The following DUOX2 variants were observed in gnomAD, a reference collection of about 807,000 sequenced individuals.
DUOX2 encodes dual oxidase 2.
DUOX2 carries 185 observed loss-of-function variants against 183.3 expected under a neutral mutation model. That is an observed-to-expected ratio of 1.01 (90% CI 0.90 to 1.14). DUOX2 has a LOEUF of 1.14. Ranked by LOEUF, DUOX2 falls within the 50% of genes most tolerant of loss-of-function variation. The pLI is 0.00. For missense variants in DUOX2, 1,999 were observed against 2,022.9 expected (o/e 0.99, Z 0.23); for synonymous variants, 788 against 812.4 (o/e 0.97, Z 0.51).
chr15:45,109,330 GCAACA>G (rs1376612752), intron 11 of DUOX2, 189 bp downstream of exon 11: 12 of 611,764 alleles, frequency 2.0e-5, no homozygotes, highest in Non-Finnish European at 3.1e-5. Context: ...TAAAATAAAA[GCAACA>G]CAAAAGTGTA....
In DUOX2 at chr15:45,111,428, G is replaced by T; in HGVS notation, c.671C>A (p.Ala224Glu). Residue 224 changes from alanine to glutamate, a missense_variant, in exon 6 of 34, where the codon GCG (alanine) becomes GAG (glutamate). Physicochemically the swap from Ala to Glu is moderately radical, Grantham distance 107. Transcript: ENST00000389039. ...DSQNPLLMWA[A>E]PDPATGQNGP... ...GTTCTGCCCGGTGGCGGGGTCGGGCGCCGCCCACATGAGCAGGGGGTTCTG... is the reference window on the plus strand; with the variant it reads ...GTTCTGCCCGGTGGCGGGGTCGGGCTCCGCCCACATGAGCAGGGGGTTCTG... 2.0e-6 allele frequency: 3 copies of T among 1,515,336 alleles called. No homozygotes were observed. Among genetic ancestry groups the T allele is most frequent in the Non-Finnish European group, 2.6e-6 (3 of 1,132,680 alleles). 93.9% of individuals were successfully genotyped at this position (1,515,336 alleles called of 1,614,324 possible). A position where few individuals can be genotyped will look rare whatever the true frequency, so the allele number is the denominator to read the frequency against.
intron 9 of DUOX2, 121 bp downstream of exon 9, chr15:45,110,307 A>C (rs1894344938): frequency 1.0e-6 from 1 of 984,282 alleles, no homozygotes; most frequent in Non-Finnish European, 1.5e-6. Flanking sequence ...TCAGGGCCCC[A>C]AATTTTTGCT....
intron 23 of DUOX2, 129 bp from the exon 24 acceptor site, chr15:45,100,357 A>G: frequency 1.2e-6 from 1 of 864,892 alleles, no homozygotes; most frequent in East Asian, 2.6e-5. Flanking sequence ...AATGGAAAAA[A>G]GCAATCTGGG....
At position 45,095,381 on chromosome 15, in the gene DUOX2, C is replaced by A; in HGVS notation, c.4239+56G>T. The A allele has an allele frequency of 3.7e-6, 6 of 1,606,284 alleles. No individual in the cohort carries two copies. The East Asian group carries it at 8.9e-5, about 24-fold the overall frequency. On this transcript the variant is annotated intron_variant, in intron 31 of 33. Transcript: ENST00000389039. ...TTCTCTCATGCTCCACCACTTGATG[C>A]GGGTCACAATTCGGCCACCTATGCC...
intron 29 of DUOX2, 47 bp from the exon 30 acceptor site, chr15:45,096,107 TG>T (rs1210957317): frequency 6.5e-7 from 1 of 1,537,296 alleles, no homozygotes; most frequent in Admixed American, 1.7e-5. Context: ...GGCCTGCTCC[TG>T]GTACCTGAGG....
rs1398595276 is a variant in DUOX2, at chr15:45,103,964, T to A, written c.2650A>T (p.Met884Leu). 2 of 1,614,124 alleles carry A rather than the reference T, an allele frequency of 1.2e-6. No individual in the cohort carries two copies. Among genetic ancestry groups the A allele is most frequent in the South Asian group, 1.1e-5 (1 of 91,086 alleles). The change falls in exon 20 of 34, where the codon ATG becomes TTG. Residue 884 changes from methionine (M) to leucine (L), a missense_variant. By Grantham distance (15) the Met-to-Leu change is conservative (BLOSUM62 2). Coordinates refer to ENST00000389039, the MANE Select transcript of DUOX2 (RefSeq NM_001363711.2). ...FLSKDEFFTMMRSFIEISNNC... is the reference protein window; with the variant it reads ...FLSKDEFFTMLRSFIEISNNC... ...TTAGAAAGGCACACCCCATACCGCATCATGGTGAAGAATTCGTCCTTGGAG... is the reference window on the plus strand; with the variant it reads ...TTAGAAAGGCACACCCCATACCGCAACATGGTGAAGAATTCGTCCTTGGAG...
rs2467828 is a variant in DUOX2, at chr15:45,111,502, C to G, written c.597G>C (p.Ser199=). 2,088 of 1,551,282 alleles carry G rather than the reference C, an allele frequency of 1.3e-3. 17 individuals carry two copies. Among genetic ancestry groups the G allele is most frequent in the Middle Eastern group, 5.7e-3 (25 of 4,364 alleles). The change falls in exon 6 of 34, where the codon TCG becomes TCC. Residue 199 remains serine, a synonymous_variant. Transcript: ENST00000389039. ...HSWSDALRSF[S]GGQLASGPDP... ...CGGGCCCCGACGCCAGCTGTCCCCC[C>G]GAGAAGCTCCGCAGCGCGTCGCTCC...
At position 45,101,891 on chromosome 15, in the gene DUOX2, T is replaced by G; in HGVS notation, c.2753A>C (p.Glu918Ala). The G allele has an allele frequency of 1.9e-6, 3 of 1,614,176 alleles. No individual in the cohort carries two copies. The highest frequency in any genetic ancestry group is 1.7e-6 in the Non-Finnish European group (2 of 1,180,046). Residue 918 changes from glutamate to alanine, a missense_variant, in exon 21 of 34, where the codon GAG (glutamate) becomes GCG (alanine). Glu to Ala is a moderately radical substitution (Grantham distance 107). This residue lies in a region of DUOX2 where 1,628 missense variants were observed against 1,608.6 expected (regional missense o/e 1.01). Transcript: ENST00000389039. The stretch of plus-strand genomic sequence containing the variant: ...GAAGTGAAAATCCTCCCATGTCAGC[T>G]CCTCCTTGTCCTGGAATCCCGACTC... ...FRESGFQDKE[E>A]LTWEDFHFML...
In DUOX2 at chr15:45,095,546, A is replaced by C; in HGVS notation, c.4130T>G (p.Phe1377Cys). ...CCCTCCCACCAACACTGACACCTCA[A>C]ATTTATGCCACTCCTGATGGCCCTC... ...FGEGHQEWHK[F>C]EVSVLVGGGI... Residue 1377 changes from phenylalanine to cysteine, a missense_variant, in exon 31 of 34, where the codon TTT becomes TGT. Coordinates refer to ENST00000389039, the MANE Select transcript of DUOX2 (RefSeq NM_001363711.2). The C allele has an allele frequency of 6.2e-7, 1 of 1,614,206 alleles. No homozygotes were observed. Among genetic ancestry groups the C allele is most frequent in the Non-Finnish European group, 8.5e-7 (1 of 1,180,032 alleles).
chr15:45,107,088 C>A, intron 14 of DUOX2, 119 bp from the exon 15 acceptor site: 1 of 1,429,098 alleles, frequency 7.0e-7, no homozygotes, highest in Non-Finnish European at 9.6e-7. Context: ...GCCCACCTCC[C>A]TGAAACTGTC....
At position 45,101,890 on chromosome 15, in the gene DUOX2, C is replaced by T. The variant is rs770923578; in HGVS notation, c.2754G>A (p.Glu918=). 1.3e-5 allele frequency: 21 copies of T among 1,614,114 alleles called. 1 individual carries two copies. Among genetic ancestry groups the T allele is most frequent in the Middle Eastern group, 1.6e-4 (1 of 6,084 alleles). Residue 918 remains glutamate (E), a synonymous_variant, in exon 21 of 34, where the codon GAG becomes GAA. Transcript: ENST00000389039. ...TGAAGTGAAAATCCTCCCATGTCAG[C>T]TCCTCCTTGTCCTGGAATCCCGACT... The part of the protein sequence containing the change: ...FRESGFQDKE[E]LTWEDFHFML...
At chr15:45,106,001 G>T in intron 17 of DUOX2, 124 bp downstream of exon 17, 1 of 1,394,194 alleles carries the variant, frequency 7.2e-7, no homozygotes, top group Admixed American at 1.9e-5. Flanking sequence ...GCCTCTGAAA[G>T]GAGCCCCTCT....
At chr15:45,099,325 C>G in intron 26 of DUOX2, 58 bp downstream of exon 26, 1 of 1,530,842 alleles carries the variant, frequency 6.5e-7, no homozygotes, top group South Asian at 1.1e-5. Context: ...ATTTCTTTTT[C>G]TATTATACCC....
chr15:45,103,613 G>GA (rs1894136185), intron 20 of DUOX2, among the ~76,000 whole-genome samples: 1 of 152,214 alleles, frequency 6.6e-6, no homozygotes, highest in Non-Finnish European at 1.5e-5. Flanking sequence ...GTAGAGCACG[G>GA]TGTTGGGCGT....
At chr15:45,106,447 CTG>C (rs971037814) in intron 16 of DUOX2, 79 bp downstream of exon 16, 2 of 1,589,816 alleles carry the variant, frequency 1.3e-6, no homozygotes, top group African/African-American at 2.7e-5. Flanking sequence ...TCCTCTCACT[CTG>C]TAACTTGGTT....
rs2141145336 is a variant in DUOX2, at chr15:45,100,755, T to C, written c.3005A>G (p.Lys1002Arg). 6.2e-7 allele frequency: 1 copy of C among 1,614,034 alleles called. No homozygotes were observed. The highest frequency in any genetic ancestry group is 8.5e-7 in the Non-Finnish European group (1 of 1,179,924). The change falls in exon 23 of 34, where the codon AAG (lysine) becomes AGG (arginine). Residue 1002 changes from lysine to arginine, a missense_variant and splice_region_variant. Physicochemically the swap from Lys to Arg is conservative, Grantham distance 26. This residue lies in a region of DUOX2 where 1,628 missense variants were observed against 1,608.6 expected (regional missense o/e 1.01). Coordinates refer to ENST00000389039, the MANE Select transcript of DUOX2 (RefSeq NM_001363711.2). ...GPGLKKRFGKKAAVPTPRLYT... is the reference protein window; with the variant it reads ...GPGLKKRFGKRAAVPTPRLYT... ...GCCCAGGGATTTGGGAGACACTCAC[T>C]TTTTGCCAAACCTCTTCTTCAGTCC... is the stretch of plus-strand genomic sequence containing the variant.
At position 45,110,675 on chromosome 15, in the gene DUOX2, C is replaced by A. The variant is rs749242045; in HGVS notation, c.918G>T (p.Leu306=). 3.7e-6 allele frequency: 6 copies of A among 1,612,582 alleles called. No individual in the cohort carries two copies. In the South Asian group the frequency reaches 6.6e-5, roughly 18 times the overall value. ...IAVYEWLPSF[L]QKTLPEYTGY... Reference sequence around the variant, plus strand: ...CTGTATACTCCGGGAGTGTTTTCTGCAGGAAGCTGGGCAGCCACTCATACA... The same window carrying A: ...CTGTATACTCCGGGAGTGTTTTCTGAAGGAAGCTGGGCAGCCACTCATACA... The change falls in exon 8 of 34, where the codon CTG becomes CTT. Residue 306 remains leucine, a synonymous_variant. Transcript: ENST00000389039.
At chr15:45,108,586 G>C in intron 12 of DUOX2, 1 of 686,956 alleles carries the variant, frequency 1.5e-6, no homozygotes, top group Non-Finnish European at 2.5e-6. Context: ...CAGTGGTTAG[G>C]AATATATTCT....
intron 14 of DUOX2, 82 bp from the exon 15 acceptor site, chr15:45,107,051 G>T: frequency 6.5e-7 from 1 of 1,541,858 alleles, no homozygotes; most frequent in South Asian, 1.2e-5. Context: ...TCCTATAAAG[G>T]ACCAAGGTAT....
Sources: gnomAD v4.1 joint callset for allele counts (sites outside exome capture counted in the v4.1 genomes callset) on GRCh38, gnomAD v4.1.1 for gene constraint, gnomAD v4.1.1 regional missense constraint, MANE v1.5 for transcripts, NCBI Gene and HGNC (gene_info 2026-07-23, HGNC 2026-07-21) for gene names.